The following ANKRD26 variants were observed in gnomAD, a reference collection of about 807,000 sequenced individuals.
ANKRD26 encodes the protein ankyrin repeat domain 26.
ANKRD26 carries 141 observed loss-of-function variants against 208.7 expected under a neutral mutation model. That is an observed-to-expected ratio of 0.68 (90% CI 0.59 to 0.78). The LOEUF (loss-of-function observed/expected upper bound fraction) is 0.78, where lower values mean the gene tolerates loss of function less well. ANKRD26 is among the 30% of genes least tolerant of loss of function. The pLI, the probability that ANKRD26 is intolerant of heterozygous loss-of-function variation, is 0.00. For missense variants in ANKRD26, 1,889 were observed against 1,938.7 expected, an observed-to-expected ratio of 0.97 and a Z score of 0.48; for synonymous variants, 636 against 660.4, an observed-to-expected ratio of 0.96 and a Z score of 0.57.
chr10:26,981,468 G>A (rs2052307477), intron 4 of ANKRD26, among the ~76,000 whole-genome samples: 3 of 152,134 alleles, frequency 2.0e-5, no homozygotes, highest in Non-Finnish European at 4.4e-5. Flanking sequence ...CAGGAAGATT[G>A]TGACTTATTT....
chr10:27,100,024 G>A (rs1392121623), intron 1 of ANKRD26, 61 bp downstream of exon 1: 2 of 1,607,564 alleles, frequency 1.2e-6, no homozygotes, highest in Admixed American at 3.3e-5. Flanking sequence ...CCACAAAAGG[G>A]GCCCCTCTTC....
chr10:27,044,520 GTTTT>G (rs764984446), intron 18 of ANKRD26, among the ~76,000 whole-genome samples: 1 of 143,710 alleles, frequency 7.0e-6, no homozygotes, highest in Non-Finnish European at 1.5e-5. Flanking sequence ...AATATACCAG[GTTTT>G]TTTTTTTTGC....
the ANKRD26 span, among the ~76,000 whole-genome samples, chr10:26,959,550 G>C: frequency 6.6e-6 from 1 of 151,986 alleles, no homozygotes; most frequent in Non-Finnish European, 1.5e-5. Context: ...AGCTAATTGG[G>C]CTATAACTAT....
chr10:27,064,874 T>C (rs1296885377), intron 11 of ANKRD26, among the ~76,000 whole-genome samples: 1 of 152,216 alleles, frequency 6.6e-6, no homozygotes, highest in Non-Finnish European at 1.5e-5. Context: ...AATAAGAACA[T>C]TTATGTATTA....
chr10:26,963,853 G>A, the ANKRD26 span, among the ~76,000 whole-genome samples: 2 of 104,142 alleles, frequency 1.9e-5, no homozygotes, highest in South Asian at 3.2e-4. Context: ...TATTGGTTTT[G>A]TTTGTGTTAT....
At chr10:26,965,906 A>G in the ANKRD26 span, among the ~76,000 whole-genome samples, 3 of 152,372 alleles carry the variant, frequency 2.0e-5, no homozygotes, top group Admixed American at 1.3e-4. Context: ...TGACCATCAG[A>G]GAAATCCAAA....
At chr10:26,988,879 CA>C (rs56162186), downstream of ANKRD26, among the ~76,000 whole-genome samples, 365 of 137,250 alleles carry the variant, frequency 2.7e-3, 5 homozygotes, top group African/African-American at 7.2e-3. Flanking sequence ...GACCTCTTCT[CA>C]AAAAAAAAAA....
downstream of ANKRD26, among the ~76,000 whole-genome samples, chr10:26,987,144 G>A (rs577863180): frequency 2.6e-5 from 4 of 152,086 alleles, no homozygotes; most frequent in South Asian, 2.1e-4. Context: ...CATGGATGAA[G>A]CTGGAAACCA....
chr10:27,017,720 G>T lies in ANKRD26; in HGVS notation c.4288C>A (p.Leu1430Ile), dbSNP rs2053346218. The change falls in exon 30 of 34, where the codon CTT becomes ATT. Residue 1430 changes from leucine (L) to isoleucine (I), a missense_variant. This residue lies in a region of ANKRD26 where 613 missense variants were observed against 648.2 expected (regional missense o/e 0.95). Coordinates refer to ENST00000376087, the MANE Select transcript of ANKRD26 (RefSeq NM_014915.3). ...CLHLDTKNQI[L>I]QEELLSMKTV... ...TTCATAGATAACAACTCCTCTTGAAGAATTTGGTTCTTTGTATCCAGATGT... is the reference window on the plus strand; with the variant it reads ...TTCATAGATAACAACTCCTCTTGAATAATTTGGTTCTTTGTATCCAGATGT... The T allele has an allele frequency of 1.2e-6, 2 of 1,612,996 alleles. No homozygotes were observed. The highest frequency in any genetic ancestry group is 1.7e-5 in the Admixed American group (1 of 59,886).
chr10:27,080,527 A>G, intron 6 of ANKRD26: 4 of 677,654 alleles, frequency 5.9e-6, no homozygotes, highest in Non-Finnish European at 7.3e-6. Flanking sequence ...AAGCCCTTAA[A>G]AATCTTTACA....
intron 15 of ANKRD26, among the ~76,000 whole-genome samples, chr10:27,056,784 T>C (rs2054854950): frequency 6.6e-6 from 1 of 151,878 alleles, no homozygotes; most frequent in Middle Eastern, 3.2e-3. Context: ...TCTCAAAAAA[T>C]AAAATAAAAA....
intron 9 of ANKRD26, among the ~76,000 whole-genome samples, chr10:27,070,912 G>T (rs922527765): frequency 6.6e-6 from 1 of 151,944 alleles, no homozygotes; most frequent in Non-Finnish European, 1.5e-5. Context: ...TAATCTGCCC[G>T]CCTTGGCCTC....
downstream of ANKRD26, among the ~76,000 whole-genome samples, chr10:27,000,526 TACTC>T (rs1379848095): frequency 6.6e-6 from 1 of 152,052 alleles, no homozygotes; most frequent in East Asian, 1.9e-4. Context: ...ACAGATAAAA[TACTC>T]AAATAAAAAA....
chr10:27,096,176 T>G (rs759133589), intron 1 of ANKRD26, among the ~76,000 whole-genome samples: 1 of 152,180 alleles, frequency 6.6e-6, no homozygotes, highest in Non-Finnish European at 1.5e-5. Flanking sequence ...TGCAGGAGAT[T>G]CACATCAAGC....
intron 1 of ANKRD26, among the ~76,000 whole-genome samples, chr10:27,097,215 C>T (rs2056496853): frequency 6.6e-6 from 1 of 151,770 alleles, no homozygotes; most frequent in Non-Finnish European, 1.5e-5. Flanking sequence ...GTGGCTCAAG[C>T]CTGTAATCTC....
chr10:27,080,996 C>T (rs1401596787), intron 6 of ANKRD26: 2 of 980,192 alleles, frequency 2.0e-6, no homozygotes, highest in South Asian at 4.7e-5. Flanking sequence ...CAGCAGCCTC[C>T]AGCTCCAAAG....
chr10:27,009,047 G>C (rs10741126), intron 32 of ANKRD26, among the ~76,000 whole-genome samples: 74,671 of 151,962 alleles, frequency 0.49, 20,394 homozygotes, highest in Non-Finnish European at 0.62. Flanking sequence ...CACCATATTG[G>C]ACAGGCTGGT....
chr10:26,963,535 T>C, the ANKRD26 span, among the ~76,000 whole-genome samples: 1 of 152,132 alleles, frequency 6.6e-6, no homozygotes, highest in Non-Finnish European at 1.5e-5. Flanking sequence ...GCACATTGAA[T>C]AGCAAGGCTG....
At chr10:27,062,223 A>G in intron 12 of ANKRD26, 1 of 977,302 alleles carries the variant, frequency 1.0e-6, no homozygotes, top group Non-Finnish European at 1.2e-6. Flanking sequence ...GTTATCTTAT[A>G]TCTACAATTT....
Sources: allele counts gnomAD v4.1 joint callset (sites outside exome capture counted in the v4.1 genomes callset), GRCh38; gene constraint gnomAD v4.1.1; regional missense constraint gnomAD v4.1.1; transcripts MANE v1.5; gene names NCBI Gene and HGNC (gene_info 2026-07-23, HGNC 2026-07-21).